The following GRB10 variants were observed in gnomAD, a reference collection of about 807,000 sequenced individuals.
GRB10 encodes the protein growth factor receptor-bound protein 10.
GRB10 carries 20 observed loss-of-function variants against 80.9 expected under a neutral mutation model. That is an observed-to-expected ratio of 0.25 (90% confidence interval 0.17 to 0.36). GRB10 has a LOEUF of 0.36. GRB10 is among the 10% of genes least tolerant of loss of function. The pLI is 1.00. For missense variants in GRB10, 548 were observed against 747.7 expected, an observed-to-expected ratio of 0.73 and a Z score of 3.12; for synonymous variants, 291 against 291.5, an observed-to-expected ratio of 1.00 and a Z score of 0.02.
intron 2 of GRB10, among the ~76,000 whole-genome samples, chr7:50,766,634 G>T (rs2076365524): frequency 6.6e-6 from 1 of 152,112 alleles, no homozygotes; most frequent in Non-Finnish European, 1.5e-5. Context: ...GTGCACAGTT[G>T]ATAAAGATCT....
intron 7 of GRB10, among the ~76,000 whole-genome samples, chr7:50,648,908 T>A (rs1357253888): frequency 1.3e-5 from 2 of 152,120 alleles, no homozygotes; most frequent in Non-Finnish European, 2.9e-5. Flanking sequence ...CTCAATGTGG[T>A]CGGGCTAGCT....
At chr7:50,792,212 G>A (rs1471524484) in intron 1 of GRB10, among the ~76,000 whole-genome samples, 1 of 152,022 alleles carries the variant, frequency 6.6e-6, no homozygotes, top group Non-Finnish European at 1.5e-5. Flanking sequence ...ATTTACTCAC[G>A]AGCTCTCCTT....
chr7:50,667,258 C>A (rs1020609449), intron 7 of GRB10, among the ~76,000 whole-genome samples: 2 of 152,166 alleles, frequency 1.3e-5, no homozygotes, highest in African/African-American at 2.4e-5. Flanking sequence ...CCAATCACCT[C>A]ACTATCCCAT....
intron 7 of GRB10, among the ~76,000 whole-genome samples, chr7:50,667,849 CCTTGTTCTG>C (rs899787869): frequency 9.9e-5 from 15 of 152,166 alleles, no homozygotes; most frequent in Non-Finnish European, 1.9e-4. Context: ...TCCCCGGTTT[CCTTGTTCTG>C]CTTACAAATT....
chr7:50,684,981 A>G (rs974965828), intron 5 of GRB10, among the ~76,000 whole-genome samples: 1 of 152,192 alleles, frequency 6.6e-6, no homozygotes, highest in Non-Finnish European at 1.5e-5. Context: ...CTGAAGAGGG[A>G]AAATCCAGGT....
At chr7:50,704,067 G>C (rs1356586463) in intron 4 of GRB10, among the ~76,000 whole-genome samples, 159 bp from the exon 5 acceptor site, 1 of 152,188 alleles carries the variant, frequency 6.6e-6, no homozygotes, top group African/African-American at 2.4e-5. Flanking sequence ...GTTGAAAACA[G>C]ACTGCATAAG....
At chr7:50,723,178 AAG>A (rs1309910661) in intron 4 of GRB10, among the ~76,000 whole-genome samples, 2 of 152,176 alleles carry the variant, frequency 1.3e-5, no homozygotes, top group Admixed American at 1.3e-4. Context: ...TCTTTAAAAA[AAG>A]AGAAAAGTTG....
intron 8 of GRB10, among the ~76,000 whole-genome samples, chr7:50,624,710 T>C (rs1192066446): frequency 6.6e-6 from 1 of 152,096 alleles, no homozygotes; most frequent in Admixed American, 6.5e-5. Context: ...TAGTAACTAA[T>C]AAGAACGGGA....
chr7:50,653,975 T>C (rs963036412), intron 7 of GRB10, among the ~76,000 whole-genome samples: 1 of 152,258 alleles, frequency 6.6e-6, no homozygotes, highest in Non-Finnish European at 1.5e-5. Context: ...CCATGAGGTC[T>C]TTATTCCCTT....
At chr7:50,709,288 A>G (rs951213725) in intron 4 of GRB10, among the ~76,000 whole-genome samples, 6 of 152,138 alleles carry the variant, frequency 3.9e-5, no homozygotes, top group Non-Finnish European at 7.3e-5. Context: ...GGTGAGGAGA[A>G]TGGTTTCTGT....
chr7:50,752,202 G>A lies in GRB10; in HGVS notation c.-47+3685C>T, dbSNP rs551864515. Among the ~76,000 whole-genome samples the A allele has an allele frequency of 8.8e-4, 134 of 152,230 alleles. 1 individual carries two copies. The highest frequency in any genetic ancestry group is 3.1e-3 in the African/African-American group (128 of 41,542). On this transcript the variant is annotated intron_variant, in intron 3 of 18. Coordinates refer to ENST00000401949, the MANE Select transcript of GRB10 (RefSeq NM_001350814.2). ...AGGGCTCTCCTATGGGGAGGACAGT[G>A]AAGCAAAGTTATTAGGGGGGAAAAA...
upstream of GRB10, among the ~76,000 whole-genome samples, chr7:50,785,767 T>G (rs570776180): frequency 6.6e-6 from 1 of 152,324 alleles, no homozygotes; most frequent in East Asian, 1.9e-4. Context: ...CCGGGTAAGC[T>G]GGACACAAAC....
chr7:50,593,607 T>A (rs533347415), intron 18 of GRB10, among the ~76,000 whole-genome samples: 7 of 152,284 alleles, frequency 4.6e-5, no homozygotes, highest in African/African-American at 1.7e-4. Context: ...CGTTCCTAGG[T>A]CCCTGAATAT....
rs759736465 is a variant in GRB10 at position 50,618,159 on chromosome 7, C to T, written c.778-20G>A. The stretch of plus-strand genomic sequence containing the variant: ...GAAATTCTAAGAAAATGGGAAAAAA[C>T]AAATACGTAAAAGGTTAGCTTCAAA... On this transcript the variant is annotated intron_variant, in intron 9 of 18. Transcript: ENST00000401949. The T allele has an allele frequency of 1.3e-6, 2 of 1,594,328 alleles. No individual in the cohort carries two copies. Among genetic ancestry groups the T allele is most frequent in the South Asian group, 1.1e-5 (1 of 90,698 alleles).
At chr7:50,641,310 T>G (rs1034370376) in intron 7 of GRB10, among the ~76,000 whole-genome samples, 2 of 151,924 alleles carry the variant, frequency 1.3e-5, no homozygotes, top group African/African-American at 4.8e-5. Context: ...AACCTACAGC[T>G]TCTTCCACTC....
intron 5 of GRB10, among the ~76,000 whole-genome samples, chr7:50,697,949 T>C (rs2063660550): frequency 6.6e-6 from 1 of 152,224 alleles, no homozygotes; most frequent in African/African-American, 2.4e-5. Flanking sequence ...ACTCTGCACT[T>C]GGACCCACTT....
chr7:50,777,723 T>C (rs1458272598), intron 2 of GRB10, among the ~76,000 whole-genome samples: 3 of 152,158 alleles, frequency 2.0e-5, no homozygotes, highest in Admixed American at 1.3e-4. Flanking sequence ...CACCGTGGAA[T>C]ACTATGCAGC....
At chr7:50,603,683 G>A (rs1325384019) in intron 17 of GRB10, among the ~76,000 whole-genome samples, 1 of 152,202 alleles carries the variant, frequency 6.6e-6, no homozygotes, top group Non-Finnish European at 1.5e-5. Context: ...GTAGGCAAAA[G>A]CATTTTTTTT....
intron 4 of GRB10, among the ~76,000 whole-genome samples, chr7:50,716,381 G>T (rs1366902332): frequency 6.6e-6 from 1 of 151,956 alleles, no homozygotes; most frequent in Non-Finnish European, 1.5e-5. Flanking sequence ...TAAAAGAATA[G>T]CCCCCTCCCA....
Sources: gnomAD v4.1 joint callset for allele counts (sites outside exome capture counted in the v4.1 genomes callset) on GRCh38, gnomAD v4.1.1 for gene constraint, MANE v1.5 for transcripts, NCBI Gene and HGNC (gene_info 2026-07-23, HGNC 2026-07-21) for gene names.